Variants in GOLIM4 observed in about 807,000 individuals in gnomAD.
The protein encoded by GOLIM4 is golgi integral membrane protein 4.
In GOLIM4, 71 loss-of-function variants were observed where a neutral mutation model predicts 107.4. The observed-to-expected ratio is 0.66, with a 90% CI of 0.55 to 0.81. The LOEUF (loss-of-function observed/expected upper bound fraction) is 0.81, where lower values mean the gene tolerates loss of function less well. Ranked by LOEUF, GOLIM4 falls within the 30% of genes least tolerant of loss-of-function variation. The pLI is 0.00. For missense variants in GOLIM4, 830 were observed against 826.1 expected, an observed-to-expected ratio of 1.00 and a Z score of -0.06; for synonymous variants, 327 against 294.8, an observed-to-expected ratio of 1.11 and a Z score of -1.12.
rs183221544 is a variant in GOLIM4 at position 168,076,521 on chromosome 3, G to A, written c.187+18578C>T. Among the ~76,000 whole-genome samples, 216 of 152,270 alleles carry A rather than the reference G, an allele frequency of 1.4e-3. 1 individual carries two copies. Among genetic ancestry groups the A allele is most frequent in the African/African-American group, 5.1e-3 (213 of 41,558 alleles). The stretch of plus-strand genomic sequence containing the variant: ...ATCCTGGCCAACATGGTGAAACTCC[G>A]TCTCTACTAAAAATACAAAATTAGC... On this transcript the variant is annotated intron_variant, in intron 1 of 15. Transcript: ENST00000470487.
Position 168,043,500 on chromosome 3 carries a change from G to A in GOLIM4, c.396C>T (p.His132=), listed in dbSNP as rs1719137135. ...TGCGATGTTCCTCTTCCAAGTCACT[G>A]TGCTGTTTCTTTAGCTCCTCGTGTT... ...KSQHEELKKQ[H]SDLEEEHRKQ... The change falls in exon 5 of 16, where the codon CAC becomes CAT. Residue 132 remains histidine (H), a synonymous_variant. Transcript: ENST00000470487. 3.7e-6 allele frequency: 6 copies of A among 1,612,404 alleles called. No individual in the cohort carries two copies. Among genetic ancestry groups the A allele is most frequent in the Non-Finnish European group, 5.1e-6 (6 of 1,179,480 alleles).
intron 1 of GOLIM4, among the ~76,000 whole-genome samples, chr3:168,093,285 A>G (rs1278644966): frequency 6.6e-6 from 1 of 152,260 alleles, no homozygotes; most frequent in African/African-American, 2.4e-5. Flanking sequence ...GCAAAGACAC[A>G]GAAGCAAAGT....
intron 12 of GOLIM4, among the ~76,000 whole-genome samples, chr3:168,027,354 C>T (rs1185032340): frequency 6.6e-6 from 1 of 152,198 alleles, no homozygotes; most frequent in Admixed American, 6.5e-5. Flanking sequence ...TTTCCTTTCT[C>T]TGGTCCCATC....
intron 1 of GOLIM4, among the ~76,000 whole-genome samples, chr3:168,061,001 G>T (rs1055490588): frequency 6.6e-6 from 1 of 152,112 alleles, no homozygotes; most frequent in Non-Finnish European, 1.5e-5. Context: ...TCATTAGCAG[G>T]TCATCGCAGC....
At chr3:168,056,198 T>C (rs528051541) in intron 1 of GOLIM4, among the ~76,000 whole-genome samples, 85 of 152,360 alleles carry the variant, frequency 5.6e-4, no homozygotes, top group African/African-American at 1.9e-3. Context: ...GCTTGGGCTA[T>C]GGCTTCAGAA....
intron 2 of GOLIM4, 130 bp downstream of exon 2, chr3:168,048,161 T>G (rs1028825237): frequency 1.5e-6 from 1 of 661,596 alleles, no homozygotes; most frequent in Non-Finnish European, 2.8e-6. Context: ...CATGTCTTTC[T>G]CTGTCCACCT....
chr3:168,063,431 G>C (rs1720370025), intron 1 of GOLIM4, among the ~76,000 whole-genome samples: 1 of 152,022 alleles, frequency 6.6e-6, no homozygotes, highest in South Asian at 2.1e-4. Context: ...TAGCAAAATT[G>C]AAAGAAAGGT....
At chr3:168,060,037 T>C (rs910436686) in intron 1 of GOLIM4, among the ~76,000 whole-genome samples, 1 of 151,198 alleles carries the variant, frequency 6.6e-6, no homozygotes, top group Non-Finnish European at 1.5e-5. Flanking sequence ...CAGAGTGCAA[T>C]GGTCACAGAG....
At chr3:168,072,942 A>G (rs954612852) in intron 1 of GOLIM4, among the ~76,000 whole-genome samples, 2 of 152,184 alleles carry the variant, frequency 1.3e-5, no homozygotes, top group Non-Finnish European at 2.9e-5. Flanking sequence ...TAGTCATTTC[A>G]GTGAGGTGGT....
chr3:168,079,974 T>G (rs1289730852), intron 1 of GOLIM4, among the ~76,000 whole-genome samples: 1 of 152,204 alleles, frequency 6.6e-6, no homozygotes, highest in Non-Finnish European at 1.5e-5. Context: ...ATCTCTAAAA[T>G]TACCTTTGTA....
chr3:168,044,413 G>C (rs549617425), intron 4 of GOLIM4, among the ~76,000 whole-genome samples: 2 of 152,150 alleles, frequency 1.3e-5, no homozygotes, highest in Non-Finnish European at 2.9e-5. Context: ...TGTTCCTGTG[G>C]TAAGTAAAAG....
intron 5 of GOLIM4, 121 bp from the exon 6 acceptor site, chr3:168,041,595 T>C (rs1440504762): frequency 1.7e-6 from 1 of 578,274 alleles, no homozygotes; most frequent in Non-Finnish European, 3.0e-6. Context: ...ACTCAGACAA[T>C]ATAATATTCA....
intron 14 of GOLIM4, among the ~76,000 whole-genome samples, chr3:168,021,081 A>AGCCTT (rs1399068341): frequency 6.6e-6 from 1 of 152,180 alleles, no homozygotes; most frequent in African/African-American, 2.4e-5. Flanking sequence ...TTTAGAAATG[A>AGCCTT]GCCTTATCTG....
At position 168,032,630 on chromosome 3, in the gene GOLIM4, G is replaced by A; in HGVS notation, c.1066C>T (p.His356Tyr). The A allele has an allele frequency of 6.2e-7, 1 of 1,613,946 alleles. No homozygotes were observed. The highest frequency in any genetic ancestry group is 8.5e-7 in the Non-Finnish European group (1 of 1,179,984). ...GATGGATCGTGTTCCTCCTCAAGAT[G>A]TTCTGCTTGCCCGACCTGCTCCATT... Reference protein sequence around the residue: ...EEMEQVGQAEHLEEEHDPSPE... With the variant: ...EEMEQVGQAEYLEEEHDPSPE... The change falls in exon 9 of 16, where the codon CAT becomes TAT. Residue 356 changes from histidine to tyrosine, a missense_variant. His to Tyr is a moderately conservative substitution (Grantham distance 83). Transcript: ENST00000470487.
At chr3:168,066,842 T>C (rs568396692) in intron 1 of GOLIM4, among the ~76,000 whole-genome samples, 203 of 152,248 alleles carry the variant, frequency 1.3e-3, no homozygotes, top group Admixed American at 2.3e-3. Flanking sequence ...TACAAAACAT[T>C]AAACTTTTTT....
chr3:168,043,474 T>C lies in GOLIM4; in HGVS notation c.422A>G (p.Lys141Arg), dbSNP rs769985722. 6.2e-7 allele frequency: 1 copy of C among 1,613,774 alleles called. No individual in the cohort carries two copies. Among genetic ancestry groups the C allele is most frequent in the Non-Finnish European group, 8.5e-7 (1 of 1,179,788 alleles). Residue 141 changes from lysine (K) to arginine (R), a missense_variant, in exon 5 of 16, where the codon AAA becomes AGA. Coordinates refer to ENST00000470487, the MANE Select transcript of GOLIM4 (RefSeq NM_014498.5). ...QHSDLEEEHR[K>R]QGEDFSRTFN... ...TGTTCTACTGAAGTCTTCCCCTTGT[T>C]TGCGATGTTCCTCTTCCAAGTCACT...
intron 5 of GOLIM4, 33 bp downstream of exon 5, chr3:168,043,346 A>G: frequency 6.7e-7 from 1 of 1,483,064 alleles, no homozygotes; most frequent in Non-Finnish European, 9.3e-7. Context: ...GTACTTATTT[A>G]GAGATAAACT....
At chr3:168,086,995 C>A (rs2108294575) in intron 1 of GOLIM4, among the ~76,000 whole-genome samples, 1 of 152,210 alleles carries the variant, frequency 6.6e-6, no homozygotes, top group East Asian at 1.9e-4. Flanking sequence ...GACTTATCCA[C>A]CTTAGAATTC....
At chr3:168,087,459 T>C (rs1005416427) in intron 1 of GOLIM4, among the ~76,000 whole-genome samples, 1 of 152,196 alleles carries the variant, frequency 6.6e-6, no homozygotes, top group Non-Finnish European at 1.5e-5. Context: ...TTTCATTATA[T>C]GATTCACTGT....
Sources: allele counts gnomAD v4.1 joint callset (sites outside exome capture counted in the v4.1 genomes callset), GRCh38; gene constraint gnomAD v4.1.1; transcripts MANE v1.5; gene names NCBI Gene and HGNC (gene_info 2026-07-23, HGNC 2026-07-21).